DIP2C: variants seen among roughly 807,000 people sequenced by gnomAD.
The protein encoded by DIP2C is disco-interacting protein 2 homolog C.
Under a neutral mutation model 192.4 loss-of-function variants are expected in DIP2C, and 33 were observed. That is an observed-to-expected ratio of 0.17 (90% CI 0.13 to 0.23). The LOEUF (loss-of-function observed/expected upper bound fraction) is 0.23, where lower values mean the gene tolerates loss of function less well. DIP2C is among the 10% of genes least tolerant of loss of function. The pLI, the probability that DIP2C is intolerant of heterozygous loss-of-function variation, is 1.00. For missense variants in DIP2C, 1,537 were observed against 2,110.1 expected, an observed-to-expected ratio of 0.73 and a Z score of 5.32; for synonymous variants, 979 against 864.1, an observed-to-expected ratio of 1.13 and a Z score of -2.33.
At chr10:565,921 G>A (rs931930734) in intron 1 of DIP2C, among the ~76,000 whole-genome samples, 1 of 152,182 alleles carries the variant, frequency 6.6e-6, no homozygotes, top group Non-Finnish European at 1.5e-5. Flanking sequence ...TGGGCTCCCG[G>A]CTTTGATTTG....
In DIP2C at chr10:467,025, A is replaced by C. The variant is rs575664376; in HGVS notation, c.268+5414T>G. Among the ~76,000 whole-genome samples, 8 of 151,240 alleles carry C rather than the reference A, an allele frequency of 5.3e-5. No homozygotes were observed. The East Asian group carries it at 1.4e-3, about 26-fold the overall frequency. On this transcript the variant is annotated intron_variant, in intron 3 of 36. Transcript: ENST00000280886. ...AAATACCATTTGACCCAGCCATCCC[A>C]TTACTGGGTATATACCCAAATGACT...
At chr10:603,959 C>T (rs900810194) in intron 1 of DIP2C, among the ~76,000 whole-genome samples, 1 of 150,640 alleles carries the variant, frequency 6.6e-6, no homozygotes, top group African/African-American at 2.4e-5. Flanking sequence ...AACCACTGCC[C>T]CACCCTTGGC....
At position 349,462 on chromosome 10, in the gene DIP2C, C is replaced by G; in HGVS notation, c.2986-8G>C. 6.3e-7 allele frequency: 1 copy of G among 1,597,458 alleles called. No homozygotes were observed. The highest frequency in any genetic ancestry group is 8.5e-7 in the Non-Finnish European group (1 of 1,171,408). On this transcript the variant is annotated splice_polypyrimidine_tract_variant and splice_region_variant and intron_variant, in intron 24 of 36. Transcript: ENST00000280886. ...CGAGTTCGCTATCGCACCCTGCGGG[C>G]CGATCACAGGGACAAGCACATAAGA...
At chr10:351,053 G>A (rs1441357276) in intron 24 of DIP2C, among the ~76,000 whole-genome samples, 1 of 152,106 alleles carries the variant, frequency 6.6e-6, no homozygotes, top group Non-Finnish European at 1.5e-5. Flanking sequence ...GTGATTCAGA[G>A]ATTGGGGACA....
intron 1 of DIP2C, among the ~76,000 whole-genome samples, chr10:490,212 G>A (rs1157672297): frequency 2.0e-5 from 3 of 151,634 alleles, no homozygotes; most frequent in African/African-American, 7.3e-5. Context: ...CGGTGCCTGG[G>A]GCTTCCTCCA....
intron 1 of DIP2C, among the ~76,000 whole-genome samples, chr10:542,938 T>C (rs1418016581): frequency 6.6e-6 from 1 of 152,220 alleles, no homozygotes; most frequent in Non-Finnish European, 1.5e-5. Context: ...CATCAGATTC[T>C]AGTTCTTTTC....
chr10:318,922 TA>T (rs943428513), intron 31 of DIP2C, among the ~76,000 whole-genome samples: 6 of 151,660 alleles, frequency 4.0e-5, no homozygotes, highest in African/African-American at 1.5e-4. Context: ...TTTTTTTTTT[TA>T]TACAGAGTCT....
intron 1 of DIP2C, among the ~76,000 whole-genome samples, chr10:507,374 C>G (rs769182250): frequency 6.6e-6 from 1 of 150,738 alleles, no homozygotes; most frequent in African/African-American, 2.4e-5. Context: ...CAGAGCTGTG[C>G]GAGGTTACAG....
intron 4 of DIP2C, among the ~76,000 whole-genome samples, chr10:431,434 C>A (rs770325798): frequency 1.3e-5 from 2 of 152,052 alleles, no homozygotes; most frequent in Non-Finnish European, 1.5e-5. Context: ...TTGGGGAGTG[C>A]TACTGGAAAT....
At chr10:509,811 G>A (rs543131508) in intron 1 of DIP2C, among the ~76,000 whole-genome samples, 19 of 152,248 alleles carry the variant, frequency 1.2e-4, no homozygotes, top group African/African-American at 3.9e-4. Flanking sequence ...GCTTCGGCAT[G>A]GAGAGCAGCT....
intron 3 of DIP2C, among the ~76,000 whole-genome samples, chr10:448,162 C>A (rs1279102628): frequency 8.0e-6 from 1 of 125,532 alleles, no homozygotes; most frequent in East Asian, 2.2e-4. Context: ...GCAGGACCCG[C>A]TCACTCCCGT....
At chr10:341,604 G>A (rs576751420) in intron 28 of DIP2C, among the ~76,000 whole-genome samples, 5 of 152,096 alleles carry the variant, frequency 3.3e-5, no homozygotes, top group South Asian at 2.1e-4. Context: ...GGGACAATAC[G>A]GGGCTGCACT....
At chr10:400,401 A>AT (rs1281569718) in intron 9 of DIP2C, among the ~76,000 whole-genome samples, 4 of 152,242 alleles carry the variant, frequency 2.6e-5, no homozygotes, top group African/African-American at 7.2e-5. Context: ...TAGAGTGTTA[A>AT]TAGACAACCC....
intron 1 of DIP2C, among the ~76,000 whole-genome samples, chr10:674,789 T>TATATATATATATATATATAGAGAGAGAG: frequency 8.0e-5 from 5 of 62,478 alleles, no homozygotes; most frequent in African/African-American, 4.5e-4. Context: ...TATATATATA[T>TATATATATATATATATATAGAGAGAGAG]AGAGAGAGAG....
rs896091922 is a variant in DIP2C at position 276,644 on chromosome 10, G to T, written c.*681C>A. The T allele has an allele frequency of 5.2e-5, 8 of 152,508 alleles. No individual in the cohort carries two copies. The highest frequency in any genetic ancestry group is 1.0e-4 in the Non-Finnish European group (7 of 68,020). 9.4% of individuals were successfully genotyped at this position (152,508 alleles called of 1,614,324 possible). ...GAAGTTAACTTATTTTATCTTTTTA[G>T]TTTAGTACAAAGATATTTGCAAGAT... On this transcript the variant is annotated 3_prime_UTR_variant, in exon 37 of 37. Coordinates refer to ENST00000280886, the MANE Select transcript of DIP2C (RefSeq NM_014974.3).
Position 636,413 on chromosome 10 carries a change from A to T in DIP2C, c.85+53081T>A, listed in dbSNP as rs972673875. ...AACATTTCGGTAGATTTGCTTTCTC[A>T]CTCTCTCTCTCTGTAGATTATACAG... On this transcript the variant is annotated intron_variant, in intron 1 of 36. Transcript: ENST00000280886. This position sits in a 1 kb window ranked among gnomAD's most constrained non-coding sequence, Gnocchi z 4.6. Among the ~76,000 whole-genome samples, 4 of 151,332 alleles carry T rather than the reference A, an allele frequency of 2.6e-5. No homozygotes were observed. Among genetic ancestry groups the T allele is most frequent in the Admixed American group, 1.3e-4 (2 of 15,218 alleles).
chr10:357,336 C>CCA (rs1340470831), intron 23 of DIP2C, among the ~76,000 whole-genome samples: 2 of 152,148 alleles, frequency 1.3e-5, no homozygotes, highest in African/African-American at 4.8e-5. Context: ...TTCTTAGAGT[C>CCA]CACAGAGCAC....
rs1281171005 is a variant in DIP2C, at chr10:689,086, C to G, written c.85+408G>C. The stretch of plus-strand genomic sequence containing the variant: ...TCCAGCGCAGAGCGCACGGGAAGGC[C>G]GATCCCGCCGGGCCCGCTGCATCCT... On this transcript the variant is annotated intron_variant, in intron 1 of 36. Coordinates refer to ENST00000280886, the MANE Select transcript of DIP2C (RefSeq NM_014974.3). This position sits in a 1 kb window ranked among gnomAD's most constrained non-coding sequence, Gnocchi z 6.1. Among the ~76,000 whole-genome samples the G allele has an allele frequency of 1.3e-5, 2 of 151,792 alleles. No homozygotes were observed. Among genetic ancestry groups the G allele is most frequent in the Admixed American group, 1.3e-4 (2 of 15,266 alleles).
intron 1 of DIP2C, among the ~76,000 whole-genome samples, chr10:648,344 T>C (rs557786276): frequency 1.3e-5 from 2 of 150,194 alleles, no homozygotes; most frequent in South Asian, 4.2e-4. Context: ...CATTGGATGG[T>C]GGGAGAGAAC....
Sources: gnomAD v4.1 joint callset for allele counts (sites outside exome capture counted in the v4.1 genomes callset) on GRCh38, gnomAD v4.1.1 for gene constraint, Gnocchi (gnomAD v3.1) non-coding constraint, MANE v1.5 for transcripts, NCBI Gene and HGNC (gene_info 2026-07-23, HGNC 2026-07-21) for gene names.